KCNAB2: variants seen among roughly 807,000 people sequenced by gnomAD.
KCNAB2 encodes potassium voltage-gated channel subfamily A regulatory beta subunit 2.
A neutral mutation model predicts 63.6 loss-of-function variants in KCNAB2; 29 were observed. That is an observed-to-expected ratio of 0.46 (90% CI 0.34 to 0.62). The LOEUF (loss-of-function observed/expected upper bound fraction) is 0.62, where lower values mean the gene tolerates loss of function less well. Among genes scored for constraint, KCNAB2 ranks in the 20% least tolerant of loss-of-function variants. KCNAB2 has a pLI of 0.01. For synonymous variants in KCNAB2, 222 were observed against 224.2 expected (o/e 0.99, Z 0.09); for missense variants, 359 against 563.9 (o/e 0.64, Z 3.68).
intron 1 of KCNAB2, among the ~76,000 whole-genome samples, chr1:5,998,230 C>G (rs1430461071): frequency 2.0e-5 from 3 of 152,214 alleles, no homozygotes; most frequent in Non-Finnish European, 4.4e-5. Flanking sequence ...GGGAGGGCAT[C>G]AGGGCCAAGG....
At chr1:6,040,001 G>A (rs373928519) in intron 1 of KCNAB2, among the ~76,000 whole-genome samples, 12 of 151,874 alleles carry the variant, frequency 7.9e-5, no homozygotes, top group East Asian at 5.8e-4. Flanking sequence ...CAGGAGCTGC[G>A]GACATCAGTG....
chr1:6,097,609 A>G, intron 15 of KCNAB2: 1 of 655,976 alleles, frequency 1.5e-6, no homozygotes. Context: ...CCAGAGATAA[A>G]GGGAGGGAGC....
At chr1:6,093,758 G>A (rs1665387925) in intron 10 of KCNAB2, among the ~76,000 whole-genome samples, 2 of 152,196 alleles carry the variant, frequency 1.3e-5, no homozygotes, top group Admixed American at 6.5e-5. Flanking sequence ...TGAGAACCTG[G>A]GCCATGGTCT....
At chr1:6,068,169 A>G (rs4908757) in intron 2 of KCNAB2, among the ~76,000 whole-genome samples, 36,859 of 152,258 alleles carry the variant, frequency 0.24, 4,571 homozygotes, top group East Asian at 0.34. Flanking sequence ...AACATAAGGC[A>G]CTATGTAATT....
At chr1:6,083,435 C>G (rs1051518506) in intron 5 of KCNAB2, among the ~76,000 whole-genome samples, 2 of 152,206 alleles carry the variant, frequency 1.3e-5, no homozygotes, top group Non-Finnish European at 2.9e-5. Flanking sequence ...CTCGCAGTTT[C>G]CATGTTCCCC....
chr1:6,063,472 T>C (rs1662493944), intron 2 of KCNAB2, among the ~76,000 whole-genome samples: 2 of 150,208 alleles, frequency 1.3e-5, no homozygotes, highest in Non-Finnish European at 3.0e-5. Flanking sequence ...TGCAGTGGCA[T>C]GATCTCAGCT....
At chr1:6,081,057 G>C (rs567188961) in intron 4 of KCNAB2, among the ~76,000 whole-genome samples, 1 of 152,234 alleles carries the variant, frequency 6.6e-6, no homozygotes, top group African/African-American at 2.4e-5. Flanking sequence ...CTTGGAGGGA[G>C]CTGTCACTTG....
chr1:6,061,101 G>A (rs968092409), intron 2 of KCNAB2, among the ~76,000 whole-genome samples: 7 of 152,170 alleles, frequency 4.6e-5, no homozygotes, highest in Admixed American at 2.0e-4. Flanking sequence ...GCACTGAGCC[G>A]GAAGCCTCCG....
In KCNAB2 at chr1:6,071,828, G is replaced by A. The variant is rs1398412893; in HGVS notation, c.219-927G>A. Among the ~76,000 whole-genome samples, 4 of 149,076 alleles carry A rather than the reference G, an allele frequency of 2.7e-5. No individual in the cohort carries two copies. The highest frequency in any genetic ancestry group is 4.9e-5 in the African/African-American group (2 of 40,490). On this transcript the variant is annotated intron_variant, in intron 2 of 15. Transcript: ENST00000378083. The surrounding 1 kb of genome is among the most constrained non-coding windows in gnomAD (Gnocchi z 8.5). The stretch of plus-strand genomic sequence containing the variant: ...TCCTGCCGCGAGGGCACCTCCTGCC[G>A]CATAGGGCACCTCCTGCCGCGAGGG...
chr1:6,027,160 G>A (rs1659243213), intron 1 of KCNAB2: 1 of 153,074 alleles, frequency 6.5e-6, no homozygotes. Context: ...CCCCTGGGCA[G>A]GATATGGGTG....
At chr1:6,056,811 G>A (rs187670131) in intron 2 of KCNAB2, among the ~76,000 whole-genome samples, 4 of 152,204 alleles carry the variant, frequency 2.6e-5, no homozygotes, top group African/African-American at 4.8e-5. Context: ...CTCCCCAGAC[G>A]TGGCCTGGTT....
rs1232031236 is a variant in KCNAB2 at position 6,078,376 on chromosome 1, G to A, written c.301-3819G>A. On this transcript the variant is annotated intron_variant, in intron 4 of 15. Coordinates refer to ENST00000378083, the MANE Select transcript of KCNAB2 (RefSeq NM_001199862.2). The surrounding 1 kb of genome is among the most constrained non-coding windows in gnomAD (Gnocchi z 4.2). ...CTAAGGTCACATTCCCAGGTTCCAG[G>A]GACGTGATACCTTTGGAGAACCATT... Among the ~76,000 whole-genome samples, 3 of 152,120 alleles carry A rather than the reference G, an allele frequency of 2.0e-5. No individual in the cohort carries two copies. Among genetic ancestry groups the A allele is most frequent in the Non-Finnish European group, 2.9e-5 (2 of 68,028 alleles).
chr1:6,078,433 AAGG>A lies in KCNAB2; in HGVS notation c.301-3758_301-3756del, dbSNP rs1053438269. Among the ~76,000 whole-genome samples the A allele has an allele frequency of 2.7e-5, 4 of 150,520 alleles. No individual in the cohort carries two copies. Among genetic ancestry groups the A allele is most frequent in the Non-Finnish European group, 5.9e-5 (4 of 67,972 alleles). ...TTGACTGCAGAGAAGAAAGTAGAAA[AAGG>A]AGGGCAGGGGGGCGGGGGTCCTGAC... On this transcript the variant is annotated intron_variant, in intron 4 of 15. Transcript: ENST00000378083. This position sits in a 1 kb window ranked among gnomAD's most constrained non-coding sequence, Gnocchi z 4.2.
intron 1 of KCNAB2, among the ~76,000 whole-genome samples, chr1:6,006,949 G>A (rs889937229): frequency 6.6e-6 from 1 of 152,088 alleles, no homozygotes; most frequent in Non-Finnish European, 1.5e-5. Context: ...ACTGGGTTCT[G>A]GGGAAGGACG....
At chr1:6,053,498 A>T (rs1191946200) in intron 2 of KCNAB2, among the ~76,000 whole-genome samples, 3 of 152,070 alleles carry the variant, frequency 2.0e-5, no homozygotes, top group African/African-American at 7.2e-5. Flanking sequence ...CCGAGGGGGA[A>T]CCCTCTGAGA....
chr1:6,065,582 G>A (rs766697147), intron 2 of KCNAB2, among the ~76,000 whole-genome samples: 11 of 152,022 alleles, frequency 7.2e-5, no homozygotes, highest in African/African-American at 1.4e-4. Context: ...CATCACCTCC[G>A]GCTCCACAAG....
intron 1 of KCNAB2, among the ~76,000 whole-genome samples, chr1:6,036,638 G>A (rs1430278173): frequency 6.6e-6 from 1 of 152,224 alleles, no homozygotes; most frequent in African/African-American, 2.4e-5. Flanking sequence ...TGTGGGGCTG[G>A]GGACAGCCAT....
intron 2 of KCNAB2, among the ~76,000 whole-genome samples, chr1:6,062,820 T>C (rs1662429567): frequency 6.6e-6 from 1 of 152,158 alleles, no homozygotes; most frequent in Non-Finnish European, 1.5e-5. Flanking sequence ...TGAAATATAA[T>C]TCACGTGCCA....
chr1:6,030,997 G>A (rs1317162216), upstream of KCNAB2, among the ~76,000 whole-genome samples: 1 of 151,940 alleles, frequency 6.6e-6, no homozygotes, highest in Non-Finnish European at 1.5e-5. Flanking sequence ...GCTGGGAGAA[G>A]TGAGGCATTG....
Sources: allele counts gnomAD v4.1 joint callset (sites outside exome capture counted in the v4.1 genomes callset), GRCh38; gene constraint gnomAD v4.1.1; non-coding constraint Gnocchi (gnomAD v3.1); transcripts MANE v1.5; gene names NCBI Gene and HGNC (gene_info 2026-07-23, HGNC 2026-07-21).